DPH6: variants seen among roughly 807,000 people sequenced by gnomAD.
The protein encoded by DPH6 is diphthamine biosynthesis 6.
A neutral mutation model predicts 38.2 loss-of-function variants in DPH6; 33 were observed. That is an observed-to-expected ratio of 0.86 (90% confidence interval 0.65 to 1.15). The LOEUF (loss-of-function observed/expected upper bound fraction) is 1.15, where lower values mean the gene tolerates loss of function less well. DPH6 is among the 50% of genes most tolerant of loss of function. The pLI, the probability that DPH6 is intolerant of heterozygous loss-of-function variation, is 0.00. For synonymous variants in DPH6, 108 were observed against 103.0 expected (o/e 1.05, Z -0.30); for missense variants, 325 against 320.0 (o/e 1.02, Z -0.12).
intron 3 of DPH6, among the ~76,000 whole-genome samples, chr15:35,261,897 G>T (rs1237207954): frequency 1.3e-5 from 2 of 151,928 alleles, no homozygotes; most frequent in Non-Finnish European, 2.9e-5. Context: ...AAGTTAGAGT[G>T]GTCCAAAACA....
chr15:35,362,726 T>A (rs542213828), intron 3 of DPH6, among the ~76,000 whole-genome samples: 5 of 152,298 alleles, frequency 3.3e-5, no homozygotes, highest in African/African-American at 1.2e-4. Flanking sequence ...CCATGATCTT[T>A]CTGATCACAC....
chr15:35,497,707 G>T (rs1352106413), intron 3 of DPH6, among the ~76,000 whole-genome samples: 1 of 152,106 alleles, frequency 6.6e-6, no homozygotes, highest in African/African-American at 2.4e-5. Flanking sequence ...GAGAAAAGAG[G>T]ATGGTCCAAA....
chr15:35,417,237 A>G (rs1044811910), intron 5 of DPH6, among the ~76,000 whole-genome samples: 1 of 152,102 alleles, frequency 6.6e-6, no homozygotes, highest in Non-Finnish European at 1.5e-5. Flanking sequence ...GGAATAAGGT[A>G]ATTATTAAAA....
Position 35,220,825 on chromosome 15 carries a change from T to G in DPH6, n.201-243A>C, listed in dbSNP as rs369883049. On this transcript the variant is annotated intron_variant and non_coding_transcript_variant, in intron 3 of 3. Transcript: ENST00000560386. ...AGGGGCAGTATTGAAAAAAAAATTT[T>G]TTTGAAGTATTCCACCTCTAGCCTC... Among the ~76,000 whole-genome samples the G allele has an allele frequency of 1.4e-4, 21 of 152,282 alleles. 4 individuals carry two copies. The highest frequency in any genetic ancestry group is 5.8e-4 in the East Asian group (3 of 5,148).
intron 6 of DPH6, among the ~76,000 whole-genome samples, chr15:35,400,465 A>G (rs889899421): frequency 2.0e-5 from 3 of 152,158 alleles, no homozygotes; most frequent in Non-Finnish European, 4.4e-5. Flanking sequence ...TAATACAAAT[A>G]TTAGTGGTGG....
At chr15:35,520,284 C>T in intron 3 of DPH6, 1 of 963,652 alleles carries the variant, frequency 1.0e-6, no homozygotes, top group Non-Finnish European at 1.2e-6. Context: ...CTATTTTAAG[C>T]ATAATTTTAT....
intron 3 of DPH6, among the ~76,000 whole-genome samples, chr15:35,481,743 G>A (rs181148935): frequency 6.6e-6 from 1 of 152,038 alleles, no homozygotes; most frequent in Non-Finnish European, 1.5e-5. Flanking sequence ...AACAAGATGG[G>A]TTATAACTTA....
At chr15:35,408,169 T>C (rs2053319849) in intron 6 of DPH6, among the ~76,000 whole-genome samples, 2 of 151,940 alleles carry the variant, frequency 1.3e-5, no homozygotes. Context: ...GAGTTAGATA[T>C]AGCAGGTGAG....
At chr15:35,188,505 C>T in the DPH6 span, among the ~76,000 whole-genome samples, 1 of 152,196 alleles carries the variant, frequency 6.6e-6, no homozygotes, top group South Asian at 2.1e-4. Flanking sequence ...CTTGATCTCT[C>T]AAGTTGTCAG....
At chr15:35,230,806 G>A (rs964634204) in intron 3 of DPH6, among the ~76,000 whole-genome samples, 1 of 152,138 alleles carries the variant, frequency 6.6e-6, no homozygotes, top group Non-Finnish European at 1.5e-5. Flanking sequence ...ATGTCCTGAA[G>A]CTAGGGCCTG....
At chr15:35,440,957 C>A (rs1353582575) in intron 5 of DPH6, among the ~76,000 whole-genome samples, 1 of 151,952 alleles carries the variant, frequency 6.6e-6, no homozygotes, top group Non-Finnish European at 1.5e-5. Context: ...AACAAATTTA[C>A]AAGAAAAAAC....
chr15:35,251,295 A>G, intron 3 of DPH6, among the ~76,000 whole-genome samples: 1 of 152,174 alleles, frequency 6.6e-6, no homozygotes. Flanking sequence ...CTAACTGGCT[A>G]TGGATTCTCA....
chr15:35,520,098 T>C (rs530062785), intron 3 of DPH6: 229 of 167,342 alleles, frequency 1.4e-3, no homozygotes, highest in Non-Finnish European at 2.3e-3. Context: ...TCCATAATTC[T>C]ATCAACAGAA....
intron 4 of DPH6, among the ~76,000 whole-genome samples, chr15:35,452,765 T>A (rs1216119402): frequency 6.6e-6 from 1 of 152,188 alleles, no homozygotes; most frequent in African/African-American, 2.4e-5. Flanking sequence ...AATTGCAGAA[T>A]GTAAAGTGTT....
At chr15:35,386,621 T>C (rs2052962937) in intron 6 of DPH6, among the ~76,000 whole-genome samples, 1 of 152,220 alleles carries the variant, frequency 6.6e-6, no homozygotes, top group African/African-American at 2.4e-5. Context: ...TTTCATGTGT[T>C]TTTTGACTGC....
intron 3 of DPH6, among the ~76,000 whole-genome samples, chr15:35,509,331 A>C (rs2054736666): frequency 6.6e-6 from 1 of 152,218 alleles, no homozygotes; most frequent in Non-Finnish European, 1.5e-5. Flanking sequence ...CTATGGTTAG[A>C]GAAAAAAGAA....
intron 2 of DPH6, among the ~76,000 whole-genome samples, chr15:35,541,242 T>A (rs10851978): frequency 0.63 from 95,094 of 151,962 alleles, 33,678 homozygotes; most frequent in East Asian, 0.84. Flanking sequence ...ATTACTTACA[T>A]CTTAATCACA....
chr15:35,503,951 A>G (rs1439451439), intron 3 of DPH6, among the ~76,000 whole-genome samples: 3 of 152,084 alleles, frequency 2.0e-5, no homozygotes, highest in Non-Finnish European at 4.4e-5. Flanking sequence ...AGCTTTTCAC[A>G]TGACTTTGAT....
At chr15:35,369,788 C>T (rs1031158453), downstream of DPH6, among the ~76,000 whole-genome samples, 4 of 151,734 alleles carry the variant, frequency 2.6e-5, no homozygotes, top group Non-Finnish European at 4.4e-5. Context: ...GACTCAATAT[C>T]GTCATGATGT....
Sources: allele counts gnomAD v4.1 joint callset (sites outside exome capture counted in the v4.1 genomes callset), GRCh38; gene constraint gnomAD v4.1.1; transcripts MANE v1.5; gene names NCBI Gene and HGNC (gene_info 2026-07-23, HGNC 2026-07-21).